Variants in MEIS2 observed in about 807,000 individuals in gnomAD.
MEIS2 encodes the protein homeobox protein Meis2.
MEIS2 carries 9 observed loss-of-function variants against 58.6 expected under a neutral mutation model. The ratio of observed to expected loss-of-function variants is 0.15; its 90% CI spans 0.09 to 0.27. MEIS2 has a LOEUF of 0.27. Ranked by LOEUF, MEIS2 falls within the 10% of genes least tolerant of loss-of-function variation. The pLI is 1.00. For synonymous variants in MEIS2, 221 were observed against 228.4 expected (o/e 0.97, Z 0.29); for missense variants, 427 against 635.0 (o/e 0.67, Z 3.52).
intron 8 of MEIS2, among the ~76,000 whole-genome samples, chr15:36,970,700 G>A (rs989172221): frequency 2.6e-5 from 4 of 152,178 alleles, no homozygotes; most frequent in Non-Finnish European, 4.4e-5. Context: ...GATGTCCGCT[G>A]TAACCAGTTG....
At chr15:36,982,336 A>G (rs2059955121) in intron 8 of MEIS2, among the ~76,000 whole-genome samples, 1 of 152,116 alleles carries the variant, frequency 6.6e-6, no homozygotes, top group African/African-American at 2.4e-5. Flanking sequence ...CATGGCAATC[A>G]CTAATCTACC....
chr15:36,946,309 CAG>C (rs1048835909), intron 9 of MEIS2, among the ~76,000 whole-genome samples: 4 of 151,336 alleles, frequency 2.6e-5, no homozygotes, highest in Non-Finnish European at 5.9e-5. Flanking sequence ...GAGAAAATAC[CAG>C]AGTGTTAATA....
At position 37,099,021 on chromosome 15, in the gene MEIS2, G is replaced by C. The variant is rs938110074; in HGVS notation, c.12+434C>G. On this transcript the variant is annotated intron_variant, in intron 1 of 11. Transcript: ENST00000561208. ...GCTGCGGCAGCGCGGCCCCAGCGGC[G>C]GCCCCGGCGGCGGCTCCTACGCAGC... is the stretch of plus-strand genomic sequence containing the variant. 9 of 982,966 alleles carry C rather than the reference G, an allele frequency of 9.2e-6. No homozygotes were observed. In the African/African-American group the frequency reaches 1.6e-4, roughly 17 times the overall value. The allele number at this position is 982,966 out of a possible 1,614,324, so 60.9% of individuals were successfully genotyped here. A position where few individuals can be genotyped will look rare whatever the true frequency, so the allele number is the denominator to read the frequency against.
chr15:36,923,749 A>G (rs931975081), intron 9 of MEIS2, among the ~76,000 whole-genome samples: 1 of 152,154 alleles, frequency 6.6e-6, no homozygotes, highest in African/African-American at 2.4e-5. Flanking sequence ...TCCTGTCCCA[A>G]ATTCCCTCCC....
chr15:36,967,800 C>T (rs1423068609), intron 8 of MEIS2, among the ~76,000 whole-genome samples: 1 of 152,200 alleles, frequency 6.6e-6, no homozygotes, highest in Non-Finnish European at 1.5e-5. Flanking sequence ...CTCTCCTCCC[C>T]TTTTTCTATA....
upstream of MEIS2, chr15:37,100,618 G>C (rs1479002087): frequency 6.6e-6 from 1 of 150,706 alleles, no homozygotes; most frequent in African/African-American, 2.4e-5. Flanking sequence ...GGCTCGAGCC[G>C]GGCGGACCCG....
At chr15:36,997,501 T>G (rs2060565850) in intron 8 of MEIS2, among the ~76,000 whole-genome samples, 1 of 151,740 alleles carries the variant, frequency 6.6e-6, no homozygotes, top group Non-Finnish European at 1.5e-5. Context: ...TTTTTTTTTT[T>G]TTTGAGACAG....
intron 8 of MEIS2, among the ~76,000 whole-genome samples, chr15:37,034,708 T>C (rs1207354513): frequency 6.6e-6 from 1 of 152,156 alleles, no homozygotes; most frequent in Non-Finnish European, 1.5e-5. Context: ...AACACGGAGC[T>C]TTCAAAACAA....
intron 7 of MEIS2, among the ~76,000 whole-genome samples, chr15:37,044,885 G>A (rs1369914878): frequency 2.0e-5 from 3 of 152,290 alleles, no homozygotes; most frequent in East Asian, 3.9e-4. Context: ...ACACTCAAAT[G>A]TTAGTGAAAT....
intron 8 of MEIS2, among the ~76,000 whole-genome samples, chr15:36,971,101 CT>C (rs1239837244): frequency 6.8e-6 from 1 of 147,600 alleles, no homozygotes; most frequent in Admixed American, 6.7e-5. Context: ...TGGTGGTGGG[CT>C]TGGGGGGGTG....
At chr15:36,907,702 A>G (rs1158100440) in intron 9 of MEIS2, among the ~76,000 whole-genome samples, 1 of 152,206 alleles carries the variant, frequency 6.6e-6, no homozygotes, top group Non-Finnish European at 1.5e-5. Context: ...CTGAGATTTT[A>G]GCACTTTTAA....
chr15:37,080,803 T>C (rs1402075159), intron 7 of MEIS2, among the ~76,000 whole-genome samples: 1 of 152,206 alleles, frequency 6.6e-6, no homozygotes, highest in Non-Finnish European at 1.5e-5. Context: ...TTCATATTTA[T>C]ATAGCTTACT....
At chr15:37,011,389 C>T (rs1309321683) in intron 8 of MEIS2, among the ~76,000 whole-genome samples, 1 of 152,010 alleles carries the variant, frequency 6.6e-6, no homozygotes, top group African/African-American at 2.4e-5. Context: ...TATACGCAGA[C>T]ATTTCAAAAT....
Position 37,009,210 on chromosome 15 carries a change from A to G in MEIS2, c.900+27604T>C, listed in dbSNP as rs996385550. ...AGGCTGAGGCAAGAGAATGGCATGA[A>G]CCTGGGAGGCGGAGCTTGCAGTGAG... On this transcript the variant is annotated intron_variant, in intron 8 of 11. Coordinates refer to ENST00000561208, the MANE Select transcript of MEIS2 (RefSeq NM_170675.5). 4.6e-4 allele frequency among the ~76,000 whole-genome samples: 70 copies of G among 152,112 alleles called. 1 individual carries two copies. The highest frequency in any genetic ancestry group is 1.6e-3 in the African/African-American group (68 of 41,502).
intron 7 of MEIS2, among the ~76,000 whole-genome samples, chr15:37,068,252 G>T (rs938966353): frequency 2.6e-5 from 4 of 152,128 alleles, no homozygotes; most frequent in African/African-American, 4.8e-5. Flanking sequence ...TCTATAAAGT[G>T]TGGAATCACT....
chr15:37,013,859 C>G (rs1385153822), intron 8 of MEIS2, among the ~76,000 whole-genome samples: 1 of 152,120 alleles, frequency 6.6e-6, no homozygotes, highest in Non-Finnish European at 1.5e-5. Flanking sequence ...TCCTGGCTTA[C>G]TCCTCTTTCC....
intron 9 of MEIS2, among the ~76,000 whole-genome samples, chr15:36,900,786 G>A (rs117880592): frequency 1.2e-3 from 188 of 152,278 alleles, no homozygotes; most frequent in Non-Finnish European, 2.2e-3. Flanking sequence ...TTTTTACTCC[G>A]AAGTATGGTT....
intron 8 of MEIS2, among the ~76,000 whole-genome samples, chr15:36,961,985 T>C (rs1014560986): frequency 4.6e-5 from 7 of 152,210 alleles, no homozygotes; most frequent in African/African-American, 1.7e-4. Context: ...TAGGAAGCCC[T>C]GAAAATGGCT....
intron 8 of MEIS2, among the ~76,000 whole-genome samples, chr15:36,986,479 G>A (rs916714049): frequency 6.6e-6 from 1 of 152,208 alleles, no homozygotes; most frequent in African/African-American, 2.4e-5. Context: ...CCTCAGCAAT[G>A]GTACTTTACT....
Sources: allele counts gnomAD v4.1 joint callset (sites outside exome capture counted in the v4.1 genomes callset), GRCh38; gene constraint gnomAD v4.1.1; transcripts MANE v1.5; gene names NCBI Gene and HGNC (gene_info 2026-07-23, HGNC 2026-07-21).